CTNNA1: variants seen among roughly 807,000 people sequenced by gnomAD.
CTNNA1 encodes catenin alpha-1.
CTNNA1 carries 37 observed loss-of-function variants against 98.4 expected under a neutral mutation model. The observed-to-expected ratio is 0.38, with a 90% CI of 0.29 to 0.49. The LOEUF (loss-of-function observed/expected upper bound fraction) is 0.49. CTNNA1 is among the 20% of genes least tolerant of loss of function. CTNNA1 has a pLI of 0.95. For missense variants in CTNNA1, 761 were observed against 1,147.2 expected, an observed-to-expected ratio of 0.66 and a Z score of 4.86; for synonymous variants, 404 against 413.2, an observed-to-expected ratio of 0.98 and a Z score of 0.27.
chr5:138,853,846 T>C lies in CTNNA1; in HGVS notation c.1062+26128T>C, dbSNP rs186255475. Among the ~76,000 whole-genome samples the C allele has an allele frequency of 2.8e-3, 420 of 152,352 alleles. 2 individuals are homozygous for C. The highest frequency in any genetic ancestry group is 9.4e-3 in the African/African-American group (389 of 41,578). On this transcript the variant is annotated intron_variant, in intron 7 of 17. Coordinates refer to ENST00000302763, the MANE Select transcript of CTNNA1 (RefSeq NM_001903.5). ...ATTTCAAATGAGGGTTTGAAATAAA[T>C]TGACATATTTCAAATACAGATTCCT...
intron 10 of CTNNA1, among the ~76,000 whole-genome samples, chr5:138,907,760 G>A (rs1263554908): frequency 6.6e-6 from 1 of 152,158 alleles, no homozygotes; most frequent in East Asian, 1.9e-4. Flanking sequence ...TTATAGTAAG[G>A]CTACTGTTGA....
At chr5:138,888,989 A>T (rs1042509792) in intron 9 of CTNNA1, among the ~76,000 whole-genome samples, 1 of 152,208 alleles carries the variant, frequency 6.6e-6, no homozygotes, top group Non-Finnish European at 1.5e-5. Flanking sequence ...CTGCTATTTA[A>T]GTTAATGATT....
Position 138,890,883 on chromosome 5 carries a change from A to T in CTNNA1, c.1296+3241A>T, listed in dbSNP as rs544669513. Among the ~76,000 whole-genome samples, 4 of 152,350 alleles carry T rather than the reference A, an allele frequency of 2.6e-5. No individual in the cohort carries two copies. In the South Asian group the frequency reaches 8.3e-4, roughly 32 times the overall value. On this transcript the variant is annotated intron_variant, in intron 9 of 17. Transcript: ENST00000302763. Reference sequence around the variant, plus strand: ...TCCAAAGATTCAGAGGTTTCCTCACAGGAATCCAGGACAAAGACCAGACCA... The same window carrying T: ...TCCAAAGATTCAGAGGTTTCCTCACTGGAATCCAGGACAAAGACCAGACCA...
intron 13 of CTNNA1, among the ~76,000 whole-genome samples, chr5:138,927,817 G>A (rs1284218632): frequency 1.3e-5 from 2 of 152,172 alleles, no homozygotes; most frequent in East Asian, 3.9e-4. Flanking sequence ...TAGAGATGAT[G>A]TTAGGAGGTG....
chr5:138,844,017 A>C (rs939853000), intron 7 of CTNNA1, among the ~76,000 whole-genome samples: 1 of 152,126 alleles, frequency 6.6e-6, no homozygotes, highest in Admixed American at 6.5e-5. Flanking sequence ...TGCAATTCTT[A>C]AGGCTTTTTT....
intron 7 of CTNNA1, 196 bp downstream of exon 7, chr5:138,827,914 T>A (rs1760877600): frequency 6.5e-6 from 4 of 615,424 alleles, no homozygotes; most frequent in Non-Finnish European, 1.1e-5. Flanking sequence ...ATTGAGAAAT[T>A]TTCAACTTAT....
intron 1 of CTNNA1, among the ~76,000 whole-genome samples, chr5:138,760,645 C>T (rs1048600097): frequency 2.0e-5 from 3 of 152,108 alleles, no homozygotes; most frequent in Non-Finnish European, 2.9e-5. Flanking sequence ...GGATTACAGG[C>T]GTGAGCCACC....
intron 7 of CTNNA1, among the ~76,000 whole-genome samples, chr5:138,839,416 G>A (rs754061258): frequency 9.9e-5 from 15 of 152,000 alleles, no homozygotes; most frequent in Non-Finnish European, 1.3e-4. Flanking sequence ...GGCCAGGCTG[G>A]TCTCTAACTC....
At chr5:138,887,710 T>C (rs1281438029) in intron 9 of CTNNA1, 68 bp downstream of exon 9, 3 of 1,360,356 alleles carry the variant, frequency 2.2e-6, no homozygotes, top group Non-Finnish European at 2.0e-6. Flanking sequence ...TTAATCACAT[T>C]ATTTAATCAG....
intron 9 of CTNNA1, among the ~76,000 whole-genome samples, chr5:138,901,315 G>C (rs1239170145): frequency 3.3e-5 from 5 of 150,696 alleles, no homozygotes; most frequent in Non-Finnish European, 7.4e-5. Context: ...GTGCCACCAC[G>C]CTGGGCCAAT....
chr5:138,779,457 G>A (rs1403196009), intron 1 of CTNNA1, among the ~76,000 whole-genome samples: 3 of 152,120 alleles, frequency 2.0e-5, no homozygotes, highest in South Asian at 2.1e-4. Context: ...GATCTTGTTA[G>A]TCTTGTCCCC....
intron 3 of CTNNA1, among the ~76,000 whole-genome samples, chr5:138,806,421 G>T (rs770413995): frequency 1.3e-5 from 2 of 149,512 alleles, no homozygotes; most frequent in Non-Finnish European, 3.0e-5. Flanking sequence ...TTCTTCTCCC[G>T]CTCAGAAAGG....
chr5:138,916,771 TTTTA>T (rs1270876893), intron 10 of CTNNA1, among the ~76,000 whole-genome samples: 1 of 135,566 alleles, frequency 7.4e-6, no homozygotes, highest in Admixed American at 7.2e-5. Context: ...TTATTTATTA[TTTTA>T]TTTATTTTTT....
intron 5 of CTNNA1, 105 bp downstream of exon 5, chr5:138,812,407 A>T (rs1034036706): frequency 3.3e-6 from 4 of 1,226,292 alleles, no homozygotes; most frequent in Non-Finnish European, 4.5e-6. Context: ...ACCTTCGCCA[A>T]TATAGTTCCA....
intron 13 of CTNNA1, among the ~76,000 whole-genome samples, chr5:138,928,691 T>C (rs1372446498): frequency 2.0e-5 from 3 of 152,196 alleles, no homozygotes; most frequent in Non-Finnish European, 4.4e-5. Context: ...CTCAGCACTT[T>C]GGGAGGCCAG....
chr5:138,919,074 A>G (rs1467596872), intron 11 of CTNNA1, among the ~76,000 whole-genome samples: 1 of 152,198 alleles, frequency 6.6e-6, no homozygotes, highest in Non-Finnish European at 1.5e-5. Flanking sequence ...GGGGTAAACC[A>G]TGTTGCTGCA....
intron 9 of CTNNA1, among the ~76,000 whole-genome samples, chr5:138,900,324 G>A (rs972543845): frequency 3.9e-5 from 6 of 152,168 alleles, no homozygotes; most frequent in African/African-American, 1.4e-4. Flanking sequence ...AGACTTAAAA[G>A]CTCCCTGTCC....
intron 9 of CTNNA1, among the ~76,000 whole-genome samples, chr5:138,891,840 C>A (rs549118379): frequency 6.6e-6 from 1 of 152,074 alleles, no homozygotes; most frequent in Non-Finnish European, 1.5e-5. Flanking sequence ...TCTTGGGACC[C>A]CCAAATCAGT....
intron 11 of CTNNA1, among the ~76,000 whole-genome samples, chr5:138,921,009 AAG>A (rs1762811703): frequency 6.6e-6 from 1 of 152,102 alleles, no homozygotes; most frequent in Non-Finnish European, 1.5e-5. Context: ...TGCATAGAAA[AAG>A]AGGAATATGC....
Sources: allele counts gnomAD v4.1 joint callset (sites outside exome capture counted in the v4.1 genomes callset), GRCh38; gene constraint gnomAD v4.1.1; transcripts MANE v1.5; gene names NCBI Gene and HGNC (gene_info 2026-07-23, HGNC 2026-07-21).